The following SHANK2 variants were observed in gnomAD, a reference collection of about 807,000 sequenced individuals.
The protein encoded by SHANK2 is SH3 and multiple ankyrin repeat domains 2.
A neutral mutation model predicts 133.7 loss-of-function variants in SHANK2; 43 were observed. The ratio of observed to expected loss-of-function variants is 0.32; its 90% CI spans 0.25 to 0.41. SHANK2 has a LOEUF of 0.41. SHANK2 is among the 10% of genes least tolerant of loss of function. The probability of loss-of-function intolerance (pLI) is 1.00; values close to 1 mark genes in which losing one functional copy is unlikely to be tolerated. For synonymous variants in SHANK2, 1,017 were observed against 952.8 expected (o/e 1.07, Z -1.24); for missense variants, 1,994 against 2,235.8 (o/e 0.89, Z 2.18).
rs1951535917 is a variant in SHANK2 at position 71,092,486 on chromosome 11, A to T, written c.848T>A (p.Leu283His). ...CACAGTGGCGTGTTCGTGCAGGAGAAGCTCGCAGCAGTAGGGATCACCTCC... is the reference window on the plus strand; with the variant it reads ...CACAGTGGCGTGTTCGTGCAGGAGATGCTCGCAGCAGTAGGGATCACCTCC... ...IVGGDPYCCE[L>H]LLHEHATVCC... Residue 283 changes from leucine (L) to histidine (H), a missense_variant, in exon 8 of 26, where the codon CTT becomes CAT. Around this residue, in one of 5 missense-constraint regions of SHANK2, gnomAD observed 653 missense variants for 563.4 expected, o/e 1.16. Coordinates refer to ENST00000601538, the MANE Select transcript of SHANK2 (RefSeq NM_012309.5). 2 of 1,551,618 alleles carry T rather than the reference A, an allele frequency of 1.3e-6. No individual in the cohort carries two copies. The highest frequency in any genetic ancestry group is 1.4e-5 in the African/African-American group (1 of 73,098).
intron 17 of SHANK2, among the ~76,000 whole-genome samples, chr11:70,507,916 C>G (rs972837366): frequency 6.6e-6 from 1 of 152,224 alleles, no homozygotes; most frequent in Non-Finnish European, 1.5e-5. Flanking sequence ...CCCGCAAGAG[C>G]GGGGCTTGTG....
rs554355686 is a variant in SHANK2, at chr11:70,725,741, T to G, written c.1778-26978A>C. On this transcript the variant is annotated intron_variant, in intron 14 of 25. Coordinates refer to ENST00000601538, the MANE Select transcript of SHANK2 (RefSeq NM_012309.5). ...TTCTTGTCAGCACATTGTCGGTAAC[T>G]CTACGTATTTTATTCCCTGTCTTCA... 4.6e-5 allele frequency among the ~76,000 whole-genome samples: 7 copies of G among 152,118 alleles called. 1 individual carries two copies. In the South Asian group the frequency reaches 1.2e-3, roughly 27 times the overall value.
At chr11:71,241,378 G>C (rs905477823) in intron 1 of SHANK2, among the ~76,000 whole-genome samples, 1 of 152,084 alleles carries the variant, frequency 6.6e-6, no homozygotes, top group South Asian at 2.1e-4. Flanking sequence ...TCCAGCGAGC[G>C]GGAAGTGCCC....
intron 9 of SHANK2, among the ~76,000 whole-genome samples, chr11:71,069,532 T>C (rs1951116011): frequency 6.6e-6 from 1 of 152,208 alleles, no homozygotes; most frequent in African/African-American, 2.4e-5. Context: ...ACTGCTATCA[T>C]TACAGCCACT....
At chr11:70,683,000 C>G (rs1009683925) in intron 15 of SHANK2, among the ~76,000 whole-genome samples, 1 of 152,024 alleles carries the variant, frequency 6.6e-6, no homozygotes, top group Non-Finnish European at 1.5e-5. Context: ...GGGACGTGGC[C>G]GAGAGGGTTG....
chr11:70,512,546 A>G (rs1008684810), intron 17 of SHANK2, among the ~76,000 whole-genome samples: 3 of 152,218 alleles, frequency 2.0e-5, no homozygotes, highest in East Asian at 1.9e-4. Flanking sequence ...CGGTTTTTCT[A>G]TGTACTTAAC....
chr11:70,907,444 C>T (rs888329241), intron 10 of SHANK2, among the ~76,000 whole-genome samples: 1 of 152,126 alleles, frequency 6.6e-6, no homozygotes, highest in Non-Finnish European at 1.5e-5. Context: ...CTTCTAGCAC[C>T]GATACCAAAG....
intron 11 of SHANK2, among the ~76,000 whole-genome samples, chr11:70,861,652 G>T (rs1337776711): frequency 9.9e-5 from 15 of 152,088 alleles, no homozygotes; most frequent in Admixed American, 9.8e-4. Context: ...TGTAGCTCAG[G>T]GCCTGGGGTT....
chr11:70,743,203 G>A lies in SHANK2; in HGVS notation c.1778-44440C>T, dbSNP rs117570452. ...AGGAACGCAGGAGCTGCAGGAGCTA[G>A]AGCTGCCAGATGCCAGGGGCAGCGC... is the stretch of plus-strand genomic sequence containing the variant. On this transcript the variant is annotated intron_variant, in intron 14 of 25. Transcript: ENST00000601538. Among the ~76,000 whole-genome samples, 1,359 of 152,350 alleles carry A rather than the reference G, an allele frequency of 8.9e-3. 13 individuals carry two copies. The highest frequency in any genetic ancestry group is 0.014 in the Non-Finnish European group (947 of 68,030).
intron 12 of SHANK2, among the ~76,000 whole-genome samples, chr11:70,817,757 T>C (rs562059557): frequency 1.3e-5 from 2 of 152,292 alleles, no homozygotes; most frequent in African/African-American, 4.8e-5. Flanking sequence ...TTTTTTGAGA[T>C]GGAGTCTCGC....
chr11:71,093,150 G>A (rs1252579075), intron 7 of SHANK2, among the ~76,000 whole-genome samples: 8 of 151,716 alleles, frequency 5.3e-5, no homozygotes, highest in Non-Finnish European at 7.4e-5. Flanking sequence ...TTTGGGAGAC[G>A]AGGAGACCTG....
In SHANK2 at chr11:70,558,072, G is replaced by A. The variant is rs782043393; in HGVS notation, c.2062-55141C>T. Among the ~76,000 whole-genome samples the A allele has an allele frequency of 8.5e-5, 13 of 152,220 alleles. No individual in the cohort carries two copies. In the East Asian group the frequency reaches 1.3e-3, roughly 16 times the overall value. The stretch of plus-strand genomic sequence containing the variant: ...AGGAGGCGAGACCGTGAGGGGGCCC[G>A]GGGTCCATGCTCTCTGGCTGTTCCG... On this transcript the variant is annotated intron_variant, in intron 17 of 25. Transcript: ENST00000601538.
At chr11:71,111,723 G>T (rs913867419) in intron 5 of SHANK2, among the ~76,000 whole-genome samples, 1 of 152,218 alleles carries the variant, frequency 6.6e-6, no homozygotes, top group Non-Finnish European at 1.5e-5. Context: ...AACTAGAACT[G>T]ATCAAATGCC....
At chr11:70,876,420 C>T (rs868977085) in intron 11 of SHANK2, among the ~76,000 whole-genome samples, 5 of 149,626 alleles carry the variant, frequency 3.3e-5, no homozygotes, top group Admixed American at 6.7e-5. Flanking sequence ...ATTAGCTGGG[C>T]GTGGTATCGG....
Position 70,698,678 on chromosome 11 carries a change from C to T in SHANK2, c.1853+10G>A, listed in dbSNP as rs1162677073. On this transcript the variant is annotated intron_variant, in intron 15 of 25. Coordinates refer to ENST00000601538, the MANE Select transcript of SHANK2 (RefSeq NM_012309.5). ...CAGAGGGTCCTGGAAGAGAAAGCAG[C>T]GCGTCTTACCTGGAAGTGTCGAAGC... The T allele has an allele frequency of 7.0e-6, 5 of 718,598 alleles. No individual in the cohort carries two copies. The highest frequency in any genetic ancestry group is 2.7e-5 in the East Asian group (1 of 37,288). 44.5% of individuals were successfully genotyped at this position (718,598 alleles called of 1,614,324 possible). A position where few individuals can be genotyped will look rare whatever the true frequency, so the allele number is the denominator to read the frequency against.
At chr11:71,125,791 A>G (rs1952171001) in intron 3 of SHANK2, among the ~76,000 whole-genome samples, 1 of 152,232 alleles carries the variant, frequency 6.6e-6, no homozygotes, top group Non-Finnish European at 1.5e-5. Context: ...TCATAGCTAG[A>G]GACAAGAAGT....
At chr11:70,928,189 A>G (rs186269034) in intron 10 of SHANK2, among the ~76,000 whole-genome samples, 1 of 152,312 alleles carries the variant, frequency 6.6e-6, no homozygotes, top group East Asian at 1.9e-4. Flanking sequence ...CAGAGGGAAA[A>G]GGGCATTGTC....
intron 2 of SHANK2, among the ~76,000 whole-genome samples, chr11:71,158,382 A>T (rs190909170): frequency 1.7e-4 from 26 of 151,834 alleles, no homozygotes; most frequent in South Asian, 4.2e-4. Flanking sequence ...AAAGTCAACT[A>T]AAAAAAAATC....
At chr11:70,852,029 T>C (rs1233997736) in intron 11 of SHANK2, among the ~76,000 whole-genome samples, 1 of 152,126 alleles carries the variant, frequency 6.6e-6, no homozygotes, top group Admixed American at 6.5e-5. Flanking sequence ...TAAAACACAG[T>C]CCCTTTTAAA....
Sources: allele counts gnomAD v4.1 joint callset (sites outside exome capture counted in the v4.1 genomes callset), GRCh38; gene constraint gnomAD v4.1.1; regional missense constraint gnomAD v4.1.1; transcripts MANE v1.5; gene names NCBI Gene and HGNC (gene_info 2026-07-23, HGNC 2026-07-21).